The following DYRK1B variants were observed in gnomAD, a reference collection of about 807,000 sequenced individuals.
The protein encoded by DYRK1B is dual specificity tyrosine phosphorylation regulated kinase 1B, also known as dual specificity tyrosine-phosphorylation-regulated kinase 1B.
DYRK1B carries 20 observed loss-of-function variants against 57.1 expected under a neutral mutation model. The ratio of observed to expected loss-of-function variants is 0.35; its 90% CI spans 0.25 to 0.51. The LOEUF is 0.51. Among genes scored for constraint, DYRK1B ranks in the 20% least tolerant of loss-of-function variants. The pLI, the probability that DYRK1B is intolerant of heterozygous loss-of-function variation, is 0.96. For synonymous variants in DYRK1B, 409 were observed against 384.7 expected (o/e 1.06, Z -0.74); for missense variants, 732 against 886.3 (o/e 0.83, Z 2.21).
intron 2 of DYRK1B, among the ~76,000 whole-genome samples, chr19:39,831,088 A>C (rs943135383): frequency 2.0e-5 from 3 of 152,168 alleles, no homozygotes; most frequent in Non-Finnish European, 2.9e-5. Context: ...GATCATATGG[A>C]AAACCTGGGC....
Position 39,828,547 on chromosome 19 carries a change from A to C in DYRK1B, c.557T>G (p.Leu186Arg). The C allele has an allele frequency of 6.2e-7, 1 of 1,611,410 alleles. No individual in the cohort carries two copies. The highest frequency in any genetic ancestry group is 1.7e-5 in the Admixed American group (1 of 59,912). Residue 186 changes from leucine to arginine, a missense_variant, in exon 6 of 11, where the codon CTG becomes CGG. Transcript: ENST00000323039. The surrounding 1 kb of genome is among the most constrained non-coding windows in gnomAD (Gnocchi z 4.3). ...GGACAGCAGCTCAAATACCAGGCAC[A>C]GGTGGTTCCGGAACATGAAGTGCCG... ...LKRHFMFRNH[L>R]CLVFELLSYN...
In DYRK1B at chr19:39,826,923, C is replaced by A; in HGVS notation, c.1160G>T (p.Gly387Val). 7.1e-7 allele frequency: 1 copy of A among 1,399,384 alleles called. No individual in the cohort carries two copies. Among genetic ancestry groups the A allele is most frequent in the Non-Finnish European group, 9.2e-7 (1 of 1,084,824 alleles). 86.7% of individuals were successfully genotyped at this position (1,399,384 alleles called of 1,614,324 possible). A position where few individuals can be genotyped will look rare whatever the true frequency, so the allele number is the denominator to read the frequency against. ...EVLGVQTGGP[G>V]GRRAGEPGHS... is the part of the protein sequence containing the mutation. ...GCCCGGCTCCCCCGCCCGCCGGCCC[C>A]CGGGCCCGCCCGTCTGCACGCCCAG... The change falls in exon 9 of 11, where the codon GGG becomes GTG. Residue 387 changes from glycine to valine, a missense_variant. Physicochemically the swap from Gly to Val is moderately radical, Grantham distance 109. Coordinates refer to ENST00000323039, the MANE Select transcript of DYRK1B (RefSeq NM_004714.3). This position sits in a 1 kb window ranked among gnomAD's most constrained non-coding sequence, Gnocchi z 6.3.
chr19:39,826,924 C>CG lies in DYRK1B; in HGVS notation c.1158dup (p.Gly387ArgfsTer29). 7.9e-7 allele frequency: 1 copy of CG among 1,263,882 alleles called. No individual in the cohort carries two copies. The highest frequency in any genetic ancestry group is 1.0e-6 in the Non-Finnish European group (1 of 999,706). The allele number at this position is 1,263,882 out of a possible 1,614,324, so 78.3% of individuals were successfully genotyped here. ...CCCGGCTCCCCCGCCCGCCGGCCCC[C>CG]GGGCCCGCCCGTCTGCACGCCCAGC... On this transcript the variant is annotated frameshift_variant, in exon 9 of 11. Coordinates refer to ENST00000323039, the MANE Select transcript of DYRK1B (RefSeq NM_004714.3). LOFTEE classifies it high-confidence loss of function. The surrounding 1 kb of genome is among the most constrained non-coding windows in gnomAD (Gnocchi z 6.3).
intron 1 of DYRK1B, 30 bp downstream of exon 1, chr19:39,833,993 T>C (rs1173845250): frequency 1.9e-5 from 3 of 156,442 alleles, no homozygotes; most frequent in African/African-American, 7.2e-5. Context: ...CTGCGACCGC[T>C]TGCCGCCCCA....
chr19:39,825,839 G>A lies in DYRK1B; in HGVS notation c.1766C>T (p.Ala589Val), dbSNP rs892345059. ...AGTCATCCGAGTCCGGAGGGCTGAG[G>A]CAGCCGGGTGCTGGGGGGCAGGCGC... ...HPAPAPQHPAASALRTRMTGG... is the reference protein window; with the variant it reads ...HPAPAPQHPAVSALRTRMTGG... Residue 589 changes from alanine to valine, a missense_variant, in exon 11 of 11, where the codon GCC becomes GTC. Around this residue, in one of 2 missense-constraint regions of DYRK1B, gnomAD observed 222 missense variants for 205.0 expected, o/e 1.08. Coordinates refer to ENST00000323039, the MANE Select transcript of DYRK1B (RefSeq NM_004714.3). 6.2e-7 allele frequency: 1 copy of A among 1,609,684 alleles called. No homozygotes were observed. The highest frequency in any genetic ancestry group is 1.3e-5 in the African/African-American group (1 of 74,840).
intron 5 of DYRK1B, 126 bp downstream of exon 5, chr19:39,829,754 C>T (rs1281893481): frequency 9.0e-7 from 1 of 1,108,474 alleles, no homozygotes. Context: ...CAGAGAAGCA[C>T]AGACCAAACC....
intron 1 of DYRK1B, 127 bp from the exon 2 acceptor site, chr19:39,832,095 G>A (rs1443536159): frequency 3.7e-6 from 4 of 1,081,124 alleles, no homozygotes; most frequent in African/African-American, 3.3e-5. Flanking sequence ...CAACGGAGCA[G>A]CAGATAGCAA....
Position 39,828,154 on chromosome 19 carries a change from TCA to T in DYRK1B, c.807+141_807+142del. 1.0e-6 allele frequency: 1 copy of T among 965,322 alleles called. No homozygotes were observed. Among genetic ancestry groups the T allele is most frequent in the Non-Finnish European group, 1.5e-6 (1 of 664,796 alleles). The allele number at this position is 965,322 out of a possible 1,614,324, so 59.8% of individuals were successfully genotyped here. A position where few individuals can be genotyped will look rare whatever the true frequency, so the allele number is the denominator to read the frequency against. ...CTTCCCATCCTAGTGGGCAGTATAT[TCA>T]CACCCCCACCCCAAGCATTATCCCT... is the stretch of plus-strand genomic sequence containing the variant. On this transcript the variant is annotated intron_variant, in intron 6 of 10. Coordinates refer to ENST00000323039, the MANE Select transcript of DYRK1B (RefSeq NM_004714.3). This position sits in a 1 kb window ranked among gnomAD's most constrained non-coding sequence, Gnocchi z 4.3.
At chr19:39,827,898 C>T (rs556114905) in intron 6 of DYRK1B, among the ~76,000 whole-genome samples, 1 of 152,238 alleles carries the variant, frequency 6.6e-6, no homozygotes, top group East Asian at 1.9e-4. Context: ...GATCCTGGGC[C>T]CTTCTGGGTC....
At chr19:39,829,232 GTTTTT>G (rs948509779) in intron 5 of DYRK1B, among the ~76,000 whole-genome samples, 2 of 142,672 alleles carry the variant, frequency 1.4e-5, no homozygotes, top group East Asian at 4.0e-4. Flanking sequence ...TTTGTTTTGG[GTTTTT>G]TTTTTTTTGA....
chr19:39,825,671 G>T lies in DYRK1B; in HGVS notation c.*44C>A. 6.6e-7 allele frequency: 1 copy of T among 1,523,248 alleles called. No individual in the cohort carries two copies. The highest frequency in any genetic ancestry group is 8.8e-7 in the Non-Finnish European group (1 of 1,134,180). 94.4% of individuals were successfully genotyped at this position (1,523,248 alleles called of 1,614,324 possible). A position where few individuals can be genotyped will look rare whatever the true frequency, so the allele number is the denominator to read the frequency against. ...GATGGGAGCCCAGGGCCCCCAGATG[G>T]GGGAGGGTATGGCTTCAGGAGGGGC... On this transcript the variant is annotated 3_prime_UTR_variant, in exon 11 of 11. Coordinates refer to ENST00000323039, the MANE Select transcript of DYRK1B (RefSeq NM_004714.3).
intron 4 of DYRK1B, 155 bp downstream of exon 4, chr19:39,830,220 A>T: frequency 8.5e-7 from 1 of 1,175,722 alleles, no homozygotes; most frequent in Non-Finnish European, 1.2e-6. Context: ...GAGTCTTGTT[A>T]TTTAAACTGT....
chr19:39,826,576 G>A lies in DYRK1B; in HGVS notation c.1411+96C>T, dbSNP rs1027680278. 1.6e-5 allele frequency: 21 copies of A among 1,326,810 alleles called. No individual in the cohort carries two copies. Among genetic ancestry groups the A allele is most frequent in the South Asian group, 6.1e-5 (4 of 65,094 alleles). The allele number at this position is 1,326,810 out of a possible 1,614,324, so 82.2% of individuals were successfully genotyped here. On this transcript the variant is annotated intron_variant, in intron 9 of 10. Transcript: ENST00000323039. The surrounding 1 kb of genome is among the most constrained non-coding windows in gnomAD (Gnocchi z 6.3). The stretch of plus-strand genomic sequence containing the variant: ...CTTACAGTTCAGGATCAGTTTCGGC[G>A]CTTTGTGTGAAGACCCAGTAACCAG...
Position 39,830,449 on chromosome 19 carries a change from T to C in DYRK1B, c.298A>G (p.Ile100Val), listed in dbSNP as rs1422307123. The C allele has an allele frequency of 3.1e-6, 5 of 1,614,070 alleles. No homozygotes were observed. The highest frequency in any genetic ancestry group is 1.7e-5 in the Admixed American group (1 of 60,008). The change falls in exon 4 of 11, where the codon ATC becomes GTC. Residue 100 changes from isoleucine (I) to valine (V), a missense_variant. Around this residue, in one of 2 missense-constraint regions of DYRK1B, gnomAD observed 510 missense variants for 681.3 expected, o/e 0.75. Transcript: ENST00000323039. The stretch of plus-strand genomic sequence containing the variant: ...AGCCAGCGCTCGCCACTGCGCACGA[T>C]GTAGTCATGGTTGTCGTCATCATAA... ...HGYDDDNHDY[I>V]VRSGERWLER...
At position 39,829,781 on chromosome 19, in the gene DYRK1B, A is replaced by G. The variant is rs138047806; in HGVS notation, c.520+99T>C. 106 of 1,376,592 alleles carry G rather than the reference A, an allele frequency of 7.7e-5. No homozygotes were observed. The Middle Eastern group carries it at 1.1e-3, about 14-fold the overall frequency. The allele number at this position is 1,376,592 out of a possible 1,614,324, so 85.3% of individuals were successfully genotyped here. A position where few individuals can be genotyped will look rare whatever the true frequency, so the allele number is the denominator to read the frequency against. On this transcript the variant is annotated intron_variant, in intron 5 of 10. Coordinates refer to ENST00000323039, the MANE Select transcript of DYRK1B (RefSeq NM_004714.3). ...GACCAAACCCTGCTCTGAAGACATC[A>G]GCCTCCTCCTGAGAGTAGGGCGGGG... is the stretch of plus-strand genomic sequence containing the variant.
Position 39,829,921 on chromosome 19 carries a change from T to G in DYRK1B, c.479A>C (p.Glu160Ala), listed in dbSNP as rs745389677. ...CTCCGTGTCATGCTGGTTCATCAGC[T>G]CCAGCAGCCGCAGCTCAATCTGGGC... is the stretch of plus-strand genomic sequence containing the variant. Reference protein sequence around the residue: ...NQAQIELRLLELMNQHDTEMK... With the variant: ...NQAQIELRLLALMNQHDTEMK... The change falls in exon 5 of 11, where the codon GAG becomes GCG. Residue 160 changes from glutamate (E) to alanine (A), a missense_variant. By Grantham distance (107) the Glu-to-Ala change is moderately radical. This residue lies in a region of DYRK1B where 510 missense variants were observed against 681.3 expected (regional missense o/e 0.75). Coordinates refer to ENST00000323039, the MANE Select transcript of DYRK1B (RefSeq NM_004714.3). 1.2e-6 allele frequency: 2 copies of G among 1,614,062 alleles called. No homozygotes were observed. Among genetic ancestry groups the G allele is most frequent in the Non-Finnish European group, 8.5e-7 (1 of 1,180,046 alleles).
At chr19:39,832,081 G>C (rs983122658) in intron 1 of DYRK1B, 113 bp from the exon 2 acceptor site, 2 of 1,206,706 alleles carry the variant, frequency 1.7e-6, no homozygotes. Flanking sequence ...AGAGGAAAAG[G>C]GCACAACGGA....
intron 1 of DYRK1B, 95 bp from the exon 2 acceptor site, chr19:39,832,063 C>A: frequency 1.5e-6 from 2 of 1,305,588 alleles, no homozygotes; most frequent in Non-Finnish European, 2.0e-6. Context: ...AGACAGGGCA[C>A]AGAGAGAAGA....
chr19:39,827,689 C>T (rs1440250531), intron 6 of DYRK1B, 33 bp from the exon 7 acceptor site: 2 of 1,604,096 alleles, frequency 1.2e-6, no homozygotes, highest in Non-Finnish European at 8.5e-7. Flanking sequence ...GGGACCCAGC[C>T]TCCCCTACTG....
Sources: gnomAD v4.1 joint callset for allele counts (sites outside exome capture counted in the v4.1 genomes callset) on GRCh38, gnomAD v4.1.1 for gene constraint, gnomAD v4.1.1 regional missense constraint, Gnocchi (gnomAD v3.1) non-coding constraint, MANE v1.5 for transcripts, NCBI Gene and HGNC (gene_info 2026-07-23, HGNC 2026-07-21) for gene names.